The following TCF12 variants were observed in gnomAD, a reference collection of about 807,000 sequenced individuals.
TCF12 encodes transcription factor 12.
Under a neutral mutation model 86.0 loss-of-function variants are expected in TCF12, and 45 were observed. The ratio of observed to expected loss-of-function variants is 0.52; its 90% CI spans 0.41 to 0.67. The LOEUF is 0.67. TCF12 is among the 30% of genes least tolerant of loss of function. The pLI is 0.00. For synonymous variants in TCF12, 330 were observed against 299.6 expected (o/e 1.10, Z -1.05); for missense variants, 881 against 859.9 (o/e 1.02, Z -0.31).
intron 4 of TCF12, among the ~76,000 whole-genome samples, chr15:57,082,515 G>A (rs1423962956): frequency 6.6e-6 from 1 of 152,160 alleles, no homozygotes; most frequent in Non-Finnish European, 1.5e-5. Flanking sequence ...TTTGGACCCA[G>A]GCCAAACTAT....
At chr15:57,213,084 A>G (rs554881871) in intron 8 of TCF12, among the ~76,000 whole-genome samples, 2 of 152,322 alleles carry the variant, frequency 1.3e-5, no homozygotes, top group East Asian at 1.9e-4. Flanking sequence ...GACACTTGTC[A>G]TTGTTAGGAA....
rs572449568 is a variant in TCF12 at position 57,169,491 on chromosome 15, T to C, written c.390+3025T>C. ...GAAAGATAGGATTAGCCATTTCTGC[T>C]TCTGCCTACTTAGTAGATCTCTGAA... On this transcript the variant is annotated intron_variant, in intron 6 of 20. Transcript: ENST00000333725. Among the ~76,000 whole-genome samples, 11 of 152,338 alleles carry C rather than the reference T, an allele frequency of 7.2e-5. 1 individual carries two copies. Among genetic ancestry groups the C allele is most frequent in the African/African-American group, 2.6e-4 (11 of 41,580 alleles).
At chr15:57,125,042 T>C (rs1264655200) in intron 5 of TCF12, among the ~76,000 whole-genome samples, 3 of 152,204 alleles carry the variant, frequency 2.0e-5, no homozygotes, top group South Asian at 2.1e-4. Context: ...ACCGCCGTTA[T>C]GTCTAAGCAT....
chr15:57,244,426 G>A (rs1307217976), intron 13 of TCF12, among the ~76,000 whole-genome samples: 1 of 152,080 alleles, frequency 6.6e-6, no homozygotes, highest in African/African-American at 2.4e-5. Context: ...TGTGAAGGTG[G>A]ATGAATATTG....
chr15:56,970,092 T>C (rs2062213002), intron 3 of TCF12, among the ~76,000 whole-genome samples: 1 of 152,202 alleles, frequency 6.6e-6, no homozygotes, highest in Admixed American at 6.5e-5. Context: ...AACTAAGGTA[T>C]AGACCTAAGA....
intron 13 of TCF12, among the ~76,000 whole-genome samples, chr15:57,249,770 C>T (rs1254336252): frequency 4.6e-5 from 7 of 152,046 alleles, no homozygotes; most frequent in Non-Finnish European, 1.5e-5. Flanking sequence ...CTTCCAACTT[C>T]GATTTCTAAT....
At position 57,197,417 on chromosome 15, in the gene TCF12, CA is replaced by C. The variant is rs201000903; in HGVS notation, c.527-353del. ...AGGTGATCCGCCCACCTTGGCTTCC[CA>C]AAGTGCTGGGATTACAGGCCTGAGC... On this transcript the variant is annotated intron_variant, in intron 7 of 20. Transcript: ENST00000333725. Among the ~76,000 whole-genome samples the C allele has an allele frequency of 9.8e-3, 1,488 of 152,230 alleles. 7 individuals are homozygous for C. Among genetic ancestry groups the C allele is most frequent in the Non-Finnish European group, 0.017 (1,129 of 68,012 alleles).
At chr15:57,093,301 C>T (rs1303177018) in intron 5 of TCF12, among the ~76,000 whole-genome samples, 2 of 152,218 alleles carry the variant, frequency 1.3e-5, no homozygotes, top group East Asian at 3.9e-4. Context: ...AAATTATTTC[C>T]TTTCGGAGTA....
intron 2 of TCF12, among the ~76,000 whole-genome samples, chr15:56,920,215 T>C (rs1342799594): frequency 6.6e-6 from 1 of 152,134 alleles, no homozygotes; most frequent in African/African-American, 2.4e-5. Flanking sequence ...AAAACTTTAA[T>C]GCCAGAGGGG....
At chr15:57,262,975 T>A in intron 17 of TCF12, 137 bp from the exon 18 acceptor site, 1 of 816,100 alleles carries the variant, frequency 1.2e-6, no homozygotes, top group Admixed American at 3.4e-5. Flanking sequence ...TAGTATACTT[T>A]CCTACATCTT....
intron 4 of TCF12, among the ~76,000 whole-genome samples, chr15:57,088,001 A>G (rs967637281): frequency 3.3e-5 from 5 of 152,206 alleles, no homozygotes; most frequent in African/African-American, 7.2e-5. Context: ...TAGCATAGTA[A>G]CTTTCTATCA....
At chr15:57,279,151 C>T (rs2061564157) in intron 19 of TCF12, among the ~76,000 whole-genome samples, 1 of 152,030 alleles carries the variant, frequency 6.6e-6, no homozygotes, top group South Asian at 2.1e-4. Flanking sequence ...GGTACCAGCA[C>T]ACCTGGCTAA....
intron 8 of TCF12, among the ~76,000 whole-genome samples, chr15:57,227,387 C>G (rs1196267353): frequency 3.9e-5 from 6 of 152,044 alleles, no homozygotes; most frequent in African/African-American, 1.4e-4. Context: ...TTGGGGTTAT[C>G]CATATGACTA....
At chr15:57,089,866 C>T (rs1365312649) in intron 4 of TCF12, among the ~76,000 whole-genome samples, 2 of 151,904 alleles carry the variant, frequency 1.3e-5, no homozygotes, top group African/African-American at 4.8e-5. Context: ...GAGAGAACAC[C>T]CAGATGTACG....
chr15:57,212,348 A>G (rs930363702), intron 8 of TCF12, among the ~76,000 whole-genome samples: 1 of 152,086 alleles, frequency 6.6e-6, no homozygotes, highest in Non-Finnish European at 1.5e-5. Flanking sequence ...CAGTGGCACA[A>G]TCATAGCTCA....
At chr15:56,977,355 G>A (rs1642937) in intron 3 of TCF12, among the ~76,000 whole-genome samples, 31,379 of 151,850 alleles carry the variant, frequency 0.21, 3,339 homozygotes, top group Middle Eastern at 0.23. Flanking sequence ...CAACGTGGCA[G>A]AATCCCGTCT....
chr15:57,045,663 A>C (rs2067186165), intron 3 of TCF12, among the ~76,000 whole-genome samples: 1 of 152,106 alleles, frequency 6.6e-6, no homozygotes, highest in African/African-American at 2.4e-5. Flanking sequence ...CTCCCACCTC[A>C]ACCTCCCAAG....
At chr15:57,203,202 C>T (rs888484526) in intron 8 of TCF12, among the ~76,000 whole-genome samples, 1 of 152,208 alleles carries the variant, frequency 6.6e-6, no homozygotes, top group Admixed American at 6.5e-5. Flanking sequence ...TCAAATCCGG[C>T]TGCCCCTAGA....
chr15:57,047,138 C>T (rs550674077), intron 3 of TCF12, among the ~76,000 whole-genome samples: 19 of 152,306 alleles, frequency 1.2e-4, no homozygotes, highest in African/African-American at 4.3e-4. Flanking sequence ...AATACTGTCA[C>T]CTATAAGTAT....
Sources: gnomAD v4.1 joint callset for allele counts (sites outside exome capture counted in the v4.1 genomes callset) on GRCh38, gnomAD v4.1.1 for gene constraint, MANE v1.5 for transcripts, NCBI Gene and HGNC (gene_info 2026-07-23, HGNC 2026-07-21) for gene names.